The following FMN2 variants were observed in gnomAD, a reference collection of about 807,000 sequenced individuals.
FMN2 encodes formin 2, also known as formin-2.
Under a neutral mutation model 142.3 loss-of-function variants are expected in FMN2, and 51 were observed. The observed-to-expected ratio is 0.36, with a 90% CI of 0.29 to 0.45. The LOEUF (loss-of-function observed/expected upper bound fraction) is 0.45, where lower values mean the gene tolerates loss of function less well. Ranked by LOEUF, FMN2 falls within the 20% of genes least tolerant of loss-of-function variation. The pLI is 1.00. For missense variants in FMN2, 1,936 were observed against 2,122.8 expected (o/e 0.91, Z 1.73); for synonymous variants, 882 against 869.8 (o/e 1.01, Z -0.25).
At chr1:240,247,456 C>T (rs1228685812) in intron 6 of FMN2, among the ~76,000 whole-genome samples, 1 of 150,262 alleles carries the variant, frequency 6.7e-6, no homozygotes, top group Non-Finnish European at 1.5e-5. Flanking sequence ...GAGCTGAGAT[C>T]GTGCCATTGC....
At chr1:240,373,133 G>A (rs568453428) in intron 14 of FMN2, among the ~76,000 whole-genome samples, 223 of 151,608 alleles carry the variant, frequency 1.5e-3, no homozygotes, top group African/African-American at 5.1e-3. Flanking sequence ...GCAGTGAGCC[G>A]AGATCTCACC....
At chr1:240,316,362 C>A (rs1040420093) in intron 8 of FMN2, among the ~76,000 whole-genome samples, 41 of 152,016 alleles carry the variant, frequency 2.7e-4, no homozygotes, top group African/African-American at 8.9e-4. Flanking sequence ...GCAGATGGAG[C>A]AGTATGATCA....
intron 6 of FMN2, among the ~76,000 whole-genome samples, chr1:240,231,585 G>A (rs1667526228): frequency 6.6e-6 from 1 of 152,172 alleles, no homozygotes; most frequent in African/African-American, 2.4e-5. Context: ...AGAAATTTGA[G>A]GGCCTGAGGT....
chr1:240,264,842 G>T (rs754850022), intron 7 of FMN2, among the ~76,000 whole-genome samples: 1 of 152,182 alleles, frequency 6.6e-6, no homozygotes, highest in East Asian at 1.9e-4. Flanking sequence ...ATTAGCTATT[G>T]GTTTGAACTT....
intron 13 of FMN2, among the ~76,000 whole-genome samples, chr1:240,336,162 A>G (rs1671548005): frequency 6.6e-6 from 1 of 151,986 alleles, no homozygotes. Flanking sequence ...ATAAATAAAT[A>G]AGTAAAAATA....
intron 2 of FMN2, among the ~76,000 whole-genome samples, chr1:240,148,581 C>A (rs1656278841): frequency 6.6e-6 from 1 of 152,134 alleles, no homozygotes; most frequent in African/African-American, 2.4e-5. Flanking sequence ...GAATTAACAC[C>A]ACTTTTTATT....
chr1:240,321,597 G>A (rs1182288695), intron 8 of FMN2, among the ~76,000 whole-genome samples: 1 of 152,142 alleles, frequency 6.6e-6, no homozygotes, highest in African/African-American at 2.4e-5. Context: ...CTAACTTGGT[G>A]TAGTACTAAA....
At chr1:240,240,852 T>C (rs1177881702) in intron 6 of FMN2, among the ~76,000 whole-genome samples, 1 of 152,178 alleles carries the variant, frequency 6.6e-6, no homozygotes, top group African/African-American at 2.4e-5. Context: ...ATATTTGAAA[T>C]AGCAAAGGTC....
At chr1:240,323,808 C>A (rs935802851) in intron 8 of FMN2, among the ~76,000 whole-genome samples, 2 of 152,152 alleles carry the variant, frequency 1.3e-5, no homozygotes, top group African/African-American at 2.4e-5. Flanking sequence ...ATAGGTGAGC[C>A]TCCCCCAGGA....
At chr1:240,281,486 G>A (rs573876937) in intron 7 of FMN2, among the ~76,000 whole-genome samples, 166 of 152,112 alleles carry the variant, frequency 1.1e-3, no homozygotes, top group African/African-American at 3.9e-3. Context: ...TCCTCAGGGC[G>A]GACAAGAGTA....
chr1:240,295,840 C>G (rs1349704327), intron 8 of FMN2, among the ~76,000 whole-genome samples: 1 of 152,214 alleles, frequency 6.6e-6, no homozygotes, highest in African/African-American at 2.4e-5. Context: ...AACACCTACA[C>G]TGCTTTCTAT....
chr1:240,472,208 T>A, intron 16 of FMN2, 164 bp from the exon 17 acceptor site: 1 of 584,914 alleles, frequency 1.7e-6, no homozygotes. Context: ...GCTGTAACAG[T>A]TGAGGCTTTC....
chr1:240,106,350 A>G (rs984462021), intron 1 of FMN2, among the ~76,000 whole-genome samples: 1 of 152,186 alleles, frequency 6.6e-6, no homozygotes, highest in Admixed American at 6.5e-5. Flanking sequence ...ATGTTGATAA[A>G]TCATATTTCT....
chr1:240,101,827 T>A (rs1035217130), intron 1 of FMN2, among the ~76,000 whole-genome samples: 2 of 152,012 alleles, frequency 1.3e-5, no homozygotes, highest in Admixed American at 6.6e-5. Context: ...TGATCGTGTG[T>A]TATGAAAATG....
At chr1:240,439,042 G>A (rs546267317) in intron 16 of FMN2, among the ~76,000 whole-genome samples, 2 of 152,106 alleles carry the variant, frequency 1.3e-5, no homozygotes, top group South Asian at 4.2e-4. Context: ...AGAGGCCAAG[G>A]CAGGCAGATC....
At chr1:240,158,230 A>G (rs905218772) in intron 2 of FMN2, among the ~76,000 whole-genome samples, 2 of 152,116 alleles carry the variant, frequency 1.3e-5, no homozygotes, top group Non-Finnish European at 2.9e-5. Context: ...AACCAAACCA[A>G]AAAGAAAACC....
At chr1:240,173,612 ATGG>A (rs1243295394) in intron 2 of FMN2, among the ~76,000 whole-genome samples, 1 of 152,150 alleles carries the variant, frequency 6.6e-6, no homozygotes, top group African/African-American at 2.4e-5. Context: ...GGGAAGGAAG[ATGG>A]TGGGAATATA....
intron 2 of FMN2, among the ~76,000 whole-genome samples, chr1:240,127,824 T>G (rs1662574532): frequency 1.3e-5 from 2 of 152,020 alleles, no homozygotes; most frequent in African/African-American, 4.8e-5. Flanking sequence ...GGCACAGAAG[T>G]AGAAGCAGGA....
rs1210682629 is a variant in FMN2, at chr1:240,470,126, A to G, written c.5061-2246A>G. On this transcript the variant is annotated intron_variant, in intron 16 of 17. Transcript: ENST00000319653. ...GAGGATCTAAATACTTGTAAAGTAC[A>G]TTTTATTGGAATGCCACAAAATGCT... Among the ~76,000 whole-genome samples, 5 of 150,944 alleles carry G rather than the reference A, an allele frequency of 3.3e-5. No individual in the cohort carries two copies. The Admixed American group carries it at 3.3e-4, about 10-fold the overall frequency.
Sources: allele counts gnomAD v4.1 joint callset (sites outside exome capture counted in the v4.1 genomes callset), GRCh38; gene constraint gnomAD v4.1.1; transcripts MANE v1.5; gene names NCBI Gene and HGNC (gene_info 2026-07-23, HGNC 2026-07-21).